The following ASTN2 variants were observed in gnomAD, a reference collection of about 807,000 sequenced individuals.
ASTN2 encodes astrotactin-2.
A neutral mutation model predicts 139.8 loss-of-function variants in ASTN2; 54 were observed. The observed-to-expected ratio is 0.39, with a 90% CI of 0.31 to 0.48. The LOEUF is 0.48. ASTN2 is among the 20% of genes least tolerant of loss of function. The pLI is 0.95. For missense variants in ASTN2, 1,565 were observed against 1,725.1 expected (o/e 0.91, Z 1.64); for synonymous variants, 756 against 719.5 (o/e 1.05, Z -0.81).
chr9:116,886,657 A>G (rs996010074), intron 10 of ASTN2, among the ~76,000 whole-genome samples: 2 of 152,132 alleles, frequency 1.3e-5, no homozygotes, highest in Middle Eastern at 3.2e-3. Context: ...GTGACCTACT[A>G]TGCCCGACTT....
In ASTN2 at chr9:116,802,936, C is replaced by A. The variant is rs1223901157; in HGVS notation, c.2396+2696G>T. Among the ~76,000 whole-genome samples, 3 of 152,220 alleles carry A rather than the reference C, an allele frequency of 2.0e-5. 1 individual carries two copies. Among genetic ancestry groups the A allele is most frequent in the African/African-American group, 7.2e-5 (3 of 41,458 alleles). ...CACTATTCTTTGCTATCACTTCAAA[C>A]CTCAGTTCACAAACTTTGTCCTTTG... On this transcript the variant is annotated intron_variant, in intron 13 of 22. Coordinates refer to ENST00000313400, the MANE Select transcript of ASTN2 (RefSeq NM_001365068.1).
At chr9:116,892,161 A>C (rs1377892798) in intron 10 of ASTN2, among the ~76,000 whole-genome samples, 1 of 152,210 alleles carries the variant, frequency 6.6e-6, no homozygotes, top group Non-Finnish European at 1.5e-5. Context: ...TCTATATAAT[A>C]TTTAAAATCA....
chr9:117,364,791 A>C (rs1829789257), intron 1 of ASTN2, among the ~76,000 whole-genome samples: 1 of 152,082 alleles, frequency 6.6e-6, no homozygotes, highest in Admixed American at 6.6e-5. Flanking sequence ...AGACACAATA[A>C]ATAAGAAAAG....
intron 7 of ASTN2, among the ~76,000 whole-genome samples, chr9:116,985,429 A>G (rs927768015): frequency 2.6e-5 from 4 of 152,172 alleles, no homozygotes; most frequent in African/African-American, 9.7e-5. Flanking sequence ...GGCTCAGCTC[A>G]TGTGGACAGT....
chr9:116,847,448 G>C (rs150737502), intron 11 of ASTN2, among the ~76,000 whole-genome samples: 2 of 152,120 alleles, frequency 1.3e-5, no homozygotes, highest in Non-Finnish European at 2.9e-5. Context: ...CTGAGGCAAG[G>C]GAGGCCAGGG....
intron 3 of ASTN2, among the ~76,000 whole-genome samples, chr9:117,188,933 A>G (rs962566904): frequency 6.6e-6 from 1 of 152,074 alleles, no homozygotes; most frequent in African/African-American, 2.4e-5. Flanking sequence ...CTACCTGAGC[A>G]TCAGTGAGTG....
At chr9:116,426,381 A>G (rs1412422894) in intron 22 of ASTN2, among the ~76,000 whole-genome samples, 1 of 152,218 alleles carries the variant, frequency 6.6e-6, no homozygotes, top group Non-Finnish European at 1.5e-5. Context: ...GACTCTGATC[A>G]AATAGGTATT....
chr9:116,934,872 CT>C (rs777928243), intron 10 of ASTN2, among the ~76,000 whole-genome samples: 2 of 152,200 alleles, frequency 1.3e-5, no homozygotes, highest in Non-Finnish European at 2.9e-5. Context: ...ATATACCCCC[CT>C]GTCCATATAC....
intron 1 of ASTN2, among the ~76,000 whole-genome samples, chr9:117,376,215 T>C (rs987733073): frequency 1.2e-4 from 18 of 152,156 alleles, no homozygotes; most frequent in Admixed American, 3.9e-4. Flanking sequence ...GAAACCCTAA[T>C]AAGCTCATTT....
chr9:117,308,918 C>T (rs1021264426), intron 1 of ASTN2, among the ~76,000 whole-genome samples: 15 of 152,102 alleles, frequency 9.9e-5, no homozygotes, highest in African/African-American at 3.1e-4. Context: ...CATGTGAAAA[C>T]TTGAGTGAAC....
intron 19 of ASTN2, among the ~76,000 whole-genome samples, chr9:116,574,885 T>C (rs960586033): frequency 5.9e-5 from 9 of 152,124 alleles, no homozygotes; most frequent in Non-Finnish European, 1.3e-4. Flanking sequence ...GGGCTCAAAA[T>C]CAAGTGCAGC....
chr9:117,283,896 T>C (rs1403866078), intron 2 of ASTN2, among the ~76,000 whole-genome samples: 2 of 152,230 alleles, frequency 1.3e-5, no homozygotes, highest in East Asian at 1.9e-4. Flanking sequence ...AAAGTAATGG[T>C]ATTTCTCAAA....
rs746701607 is a variant in ASTN2 at position 117,414,470 on chromosome 9, C to T, written c.442+27G>A. 5.6e-6 allele frequency: 9 copies of T among 1,605,792 alleles called. 1 individual carries two copies. The East Asian group carries it at 1.8e-4, about 32-fold the overall frequency. ...GCAGGGGCTCGGGGTTCCTTGGGAT[C>T]TAGCGCGTGCCGGCGCCCAGCCTTA... On this transcript the variant is annotated intron_variant, in intron 1 of 22. Transcript: ENST00000313400. This position sits in a 1 kb window ranked among gnomAD's most constrained non-coding sequence, Gnocchi z 4.2.
At chr9:117,206,871 G>A (rs1831943047) in intron 3 of ASTN2, among the ~76,000 whole-genome samples, 1 of 152,130 alleles carries the variant, frequency 6.6e-6, no homozygotes, top group African/African-American at 2.4e-5. Context: ...CTATGCACAG[G>A]ACCTGAGAAC....
intron 11 of ASTN2, among the ~76,000 whole-genome samples, chr9:116,821,364 G>T (rs369109365): frequency 3.9e-4 from 59 of 152,212 alleles, no homozygotes; most frequent in Middle Eastern, 3.4e-3. Flanking sequence ...GGATCATGGG[G>T]GTGCATACCT....
chr9:116,801,496 G>C (rs1036469702), intron 13 of ASTN2, among the ~76,000 whole-genome samples: 2 of 147,024 alleles, frequency 1.4e-5, no homozygotes, highest in Non-Finnish European at 3.0e-5. Flanking sequence ...GGAGAATCGC[G>C]TGAACCTGGG....
intron 13 of ASTN2, among the ~76,000 whole-genome samples, chr9:116,753,706 G>T (rs1364177429): frequency 1.3e-5 from 2 of 152,184 alleles, no homozygotes; most frequent in East Asian, 3.9e-4. Flanking sequence ...AGCATGCATA[G>T]TCTAGGTATT....
At chr9:117,302,763 GCC>G (rs1173081082) in intron 1 of ASTN2, among the ~76,000 whole-genome samples, 1 of 152,164 alleles carries the variant, frequency 6.6e-6, no homozygotes, top group East Asian at 1.9e-4. Flanking sequence ...ACCAAACAGA[GCC>G]TAGAAGAATA....
At chr9:116,745,780 G>A (rs1435818203) in intron 13 of ASTN2, among the ~76,000 whole-genome samples, 1 of 152,138 alleles carries the variant, frequency 6.6e-6, no homozygotes, top group African/African-American at 2.4e-5. Flanking sequence ...CAGCCAGAAC[G>A]ATTTTCTGAA....
Sources: allele counts gnomAD v4.1 joint callset (sites outside exome capture counted in the v4.1 genomes callset), GRCh38; gene constraint gnomAD v4.1.1; non-coding constraint Gnocchi (gnomAD v3.1); transcripts MANE v1.5; gene names NCBI Gene and HGNC (gene_info 2026-07-23, HGNC 2026-07-21).